The following VPS13B variants were observed in gnomAD, a reference collection of about 807,000 sequenced individuals.
VPS13B encodes the protein vacuolar protein sorting 13 homolog B.
Under a neutral mutation model 426.4 loss-of-function variants are expected in VPS13B, and 285 were observed. That is an observed-to-expected ratio of 0.67 (90% CI 0.61 to 0.74). The LOEUF is 0.74. Among genes scored for constraint, VPS13B ranks in the 30% least tolerant of loss-of-function variants. The pLI is 0.00. For missense variants in VPS13B, 4,537 were observed against 4,782.6 expected, an observed-to-expected ratio of 0.95 and a Z score of 1.51; for synonymous variants, 1,676 against 1,676.4, an observed-to-expected ratio of 1.00 and a Z score of 0.01.
intron 39 of VPS13B, among the ~76,000 whole-genome samples, chr8:99,736,233 T>A (rs1833824312): frequency 6.6e-6 from 1 of 152,148 alleles, no homozygotes; most frequent in Non-Finnish European, 1.5e-5. Context: ...GGTAGAGAGT[T>A]GAGTGCTAAG....
At chr8:99,700,385 C>A (rs1449800701) in intron 36 of VPS13B, among the ~76,000 whole-genome samples, 1 of 152,232 alleles carries the variant, frequency 6.6e-6, no homozygotes, top group South Asian at 2.1e-4. Flanking sequence ...GCCCAGCAAT[C>A]TGTGCTTCAA....
At chr8:99,742,299 C>T (rs908709752) in intron 39 of VPS13B, among the ~76,000 whole-genome samples, 3 of 152,136 alleles carry the variant, frequency 2.0e-5, no homozygotes, top group Non-Finnish European at 4.4e-5. Context: ...TCTGAATAGA[C>T]CAATAACAGG....
chr8:99,642,088 A>T lies in VPS13B; in HGVS notation c.5498A>T (p.Lys1833Ile). ...ACCTATTCCTGTATGGCCTTATCCA[A>T]ATCGAAATCACAAGAACAGAAGAAT... is the stretch of plus-strand genomic sequence containing the variant. ...LMTYSCMALS[K>I]SKSQEQKNNE... Residue 1833 changes from lysine (K) to isoleucine (I), a missense_variant, in exon 34 of 62, where the codon AAA becomes ATA. Lys to Ile is a moderately radical substitution (Grantham distance 102, BLOSUM62 -3). This residue lies in a region of VPS13B where 4,311 missense variants were observed against 4,474.3 expected (regional missense o/e 0.96). Transcript: ENST00000357162. 2 of 1,614,152 alleles carry T rather than the reference A, an allele frequency of 1.2e-6. No homozygotes were observed. Among genetic ancestry groups the T allele is most frequent in the South Asian group, 1.1e-5 (1 of 91,084 alleles).
intron 17 of VPS13B, among the ~76,000 whole-genome samples, chr8:99,255,744 C>A (rs1270954809): frequency 6.6e-6 from 1 of 152,000 alleles, no homozygotes; most frequent in Admixed American, 6.6e-5. Context: ...TGAGGCCTCC[C>A]CTGATGTCAT....
intron 17 of VPS13B, among the ~76,000 whole-genome samples, chr8:99,263,913 TA>T (rs1818175193): frequency 6.6e-6 from 1 of 152,196 alleles, no homozygotes; most frequent in African/African-American, 2.4e-5. Flanking sequence ...TCCTTTTTCC[TA>T]AATCTTTGAA....
At chr8:99,427,863 A>T (rs1305980989) in intron 21 of VPS13B, among the ~76,000 whole-genome samples, 2 of 152,208 alleles carry the variant, frequency 1.3e-5, no homozygotes, top group Admixed American at 6.5e-5. Context: ...AGCTGGAGGT[A>T]TCAGGCTACC....
At chr8:99,841,526 T>C (rs1241904177) in intron 54 of VPS13B, among the ~76,000 whole-genome samples, 1 of 152,208 alleles carries the variant, frequency 6.6e-6, no homozygotes, top group Non-Finnish European at 1.5e-5. Context: ...TCTCAAGCTC[T>C]CTAAAGGTAT....
At chr8:99,595,440 G>C (rs1036205621) in intron 33 of VPS13B, among the ~76,000 whole-genome samples, 4 of 151,772 alleles carry the variant, frequency 2.6e-5, no homozygotes, top group Non-Finnish European at 5.9e-5. Flanking sequence ...AAGAATGAAG[G>C]AAAATGCCTA....
At chr8:99,082,476 A>G (rs1845540234) in intron 3 of VPS13B, among the ~76,000 whole-genome samples, 1 of 151,962 alleles carries the variant, frequency 6.6e-6, no homozygotes. Flanking sequence ...ATTACATCCC[A>G]TTTGTCCATT....
chr8:99,035,093 C>CTGAGGTGGGAGAGCCCAGGAGTT (rs537777060), intron 2 of VPS13B, among the ~76,000 whole-genome samples: 2,190 of 152,134 alleles, frequency 0.014, 23 homozygotes, highest in Non-Finnish European at 0.022. Flanking sequence ...ACTTGGCATG[C>CTGAGGTGGGAGAGCCCAGGAGTT]TGAGGTGGGA....
chr8:99,069,446 T>C (rs1844734650), intron 3 of VPS13B, among the ~76,000 whole-genome samples: 1 of 152,222 alleles, frequency 6.6e-6, no homozygotes, highest in African/African-American at 2.4e-5. Context: ...AAAGGAGTCA[T>C]TTTGTGATTG....
chr8:99,461,696 G>A (rs548150154), intron 23 of VPS13B, among the ~76,000 whole-genome samples: 1 of 152,164 alleles, frequency 6.6e-6, no homozygotes, highest in South Asian at 2.1e-4. Flanking sequence ...CTCCTAGAAT[G>A]TTTCTCTTCC....
At position 99,604,105 on chromosome 8, in the gene VPS13B, A is replaced by G. The variant is rs985795789; in HGVS notation, c.5220+26472A>G. 7.2e-5 allele frequency among the ~76,000 whole-genome samples: 11 copies of G among 152,202 alleles called. No homozygotes were observed. In the South Asian group the frequency reaches 2.3e-3, roughly 32 times the overall value. On this transcript the variant is annotated intron_variant, in intron 33 of 61. Coordinates refer to ENST00000357162, the MANE Select transcript of VPS13B (RefSeq NM_152564.5). The stretch of plus-strand genomic sequence containing the variant: ...TGGCTCTAAACTTCTTGGCAGCCCA[A>G]AAAAGAGGTAGATTCAGTTACTAAT...
chr8:99,442,418 TTGTG>T lies in VPS13B; in HGVS notation c.3232_3235del (p.Val1078LeufsTer22). ...TTTTCTAGCTTGAAGTACAATCTTGTTGTGTGTTTATTCCAAATGATAGCCTGCC... is the reference window on the plus strand; with the variant it reads ...TTTTCTAGCTTGAAGTACAATCTTGTTGTTTATTCCAAATGATAGCCTGCC... On this transcript the variant is annotated frameshift_variant, in exon 23 of 62. Coordinates refer to ENST00000357162, the MANE Select transcript of VPS13B (RefSeq NM_152564.5). LOFTEE classifies it high-confidence loss of function. The T allele has an allele frequency of 1.2e-6, 2 of 1,613,874 alleles. No individual in the cohort carries two copies. The highest frequency in any genetic ancestry group is 1.7e-6 in the Non-Finnish European group (2 of 1,179,778).
At chr8:99,107,544 G>A (rs1476769803) in intron 5 of VPS13B, among the ~76,000 whole-genome samples, 1 of 151,258 alleles carries the variant, frequency 6.6e-6, no homozygotes, top group Non-Finnish European at 1.5e-5. Flanking sequence ...TTTTATTTCA[G>A]TATAAAGGTC....
intron 54 of VPS13B, 23 bp from the exon 55 acceptor site, chr8:99,848,753 G>C (rs1290031152): frequency 1.2e-6 from 2 of 1,609,416 alleles, no homozygotes; most frequent in South Asian, 1.1e-5. Flanking sequence ...TTTTTAATCA[G>C]ATTTTGAATA....
intron 58 of VPS13B, among the ~76,000 whole-genome samples, chr8:99,863,855 C>A (rs1462901067): frequency 1.3e-5 from 2 of 152,110 alleles, no homozygotes; most frequent in East Asian, 1.9e-4. Context: ...ATTATTAATT[C>A]TTGGGGTAAC....
At chr8:99,143,497 GCTCTAAAC>G (rs1349411338) in intron 13 of VPS13B, among the ~76,000 whole-genome samples, 3 of 151,918 alleles carry the variant, frequency 2.0e-5, no homozygotes, top group African/African-American at 7.3e-5. Flanking sequence ...ACAAAATTGG[GCTCTAAAC>G]ACACAAATTT....
intron 43 of VPS13B, among the ~76,000 whole-genome samples, chr8:99,808,128 C>A (rs1468359542): frequency 6.6e-6 from 1 of 151,994 alleles, no homozygotes; most frequent in Non-Finnish European, 1.5e-5. Flanking sequence ...GGGAGTTTTT[C>A]ATGAGATTTA....
Sources: allele counts gnomAD v4.1 joint callset (sites outside exome capture counted in the v4.1 genomes callset), GRCh38; gene constraint gnomAD v4.1.1; regional missense constraint gnomAD v4.1.1; transcripts MANE v1.5; gene names NCBI Gene and HGNC (gene_info 2026-07-23, HGNC 2026-07-21).